The following ARMC9 variants were observed in gnomAD, a reference collection of about 807,000 sequenced individuals.
ARMC9 encodes the protein armadillo repeat containing 9, also known as lisH domain-containing protein ARMC9.
ARMC9 carries 94 observed loss-of-function variants against 107.0 expected under a neutral mutation model. The ratio of observed to expected loss-of-function variants is 0.88; its 90% CI spans 0.74 to 1.04. The LOEUF is 1.04. ARMC9 is among the 50% of genes least tolerant of loss of function. The pLI is 0.00. For missense variants in ARMC9, 942 were observed against 1,030.1 expected (o/e 0.91, Z 1.17); for synonymous variants, 380 against 396.9 (o/e 0.96, Z 0.51).
intron 7 of ARMC9, among the ~76,000 whole-genome samples, chr2:231,228,416 C>A (rs920620906): frequency 6.6e-6 from 1 of 152,160 alleles, no homozygotes; most frequent in African/African-American, 2.4e-5. Context: ...GAGTGGTGGT[C>A]GGTGCTGGCT....
At chr2:231,311,891 G>C (rs2042374035) in intron 19 of ARMC9, among the ~76,000 whole-genome samples, 1 of 151,814 alleles carries the variant, frequency 6.6e-6, no homozygotes, top group African/African-American at 2.4e-5. Flanking sequence ...TCCCAGCCTG[G>C]AGAATTTTCA....
intron 7 of ARMC9, among the ~76,000 whole-genome samples, chr2:231,229,220 T>G (rs1396092027): frequency 6.6e-6 from 1 of 152,118 alleles, no homozygotes; most frequent in Non-Finnish European, 1.5e-5. Flanking sequence ...ATGACAGTCA[T>G]TTGTCACCCC....
At chr2:231,240,646 C>T (rs2036209262) in intron 9 of ARMC9, among the ~76,000 whole-genome samples, 1 of 152,192 alleles carries the variant, frequency 6.6e-6, no homozygotes, top group African/African-American at 2.4e-5. Flanking sequence ...AATATTCTCT[C>T]ATATAACTAT....
At chr2:231,283,380 T>C (rs1352017409) in intron 17 of ARMC9, among the ~76,000 whole-genome samples, 2 of 152,186 alleles carry the variant, frequency 1.3e-5, no homozygotes, top group African/African-American at 4.8e-5. Context: ...CTGGTATTAG[T>C]TATCTATTAC....
intron 17 of ARMC9, among the ~76,000 whole-genome samples, chr2:231,283,472 C>T (rs867022027): frequency 7.9e-5 from 12 of 152,278 alleles, no homozygotes; most frequent in South Asian, 2.1e-4. Context: ...CTCTGTCACC[C>T]AGACTGGAGT....
intron 7 of ARMC9, among the ~76,000 whole-genome samples, chr2:231,227,830 C>T (rs1416517665): frequency 3.3e-5 from 5 of 152,218 alleles, no homozygotes; most frequent in African/African-American, 4.8e-5. Flanking sequence ...GCATCCCCAG[C>T]TCAGCTGTTC....
Position 231,376,514 on chromosome 2 carries a change from G to A in ARMC9, c.*4979G>A, listed in dbSNP as rs1465867505. Reference sequence around the variant, plus strand: ...ATAGCGCTCCCAGGCTTATTAGGAGGAGGAAATTCCCGCCTAATAAATTTT... The same window carrying A: ...ATAGCGCTCCCAGGCTTATTAGGAGAAGGAAATTCCCGCCTAATAAATTTT... On this transcript the variant is annotated 3_prime_UTR_variant, in exon 25 of 25. Transcript: ENST00000611582. Among the ~76,000 whole-genome samples, 2 of 152,120 alleles carry A rather than the reference G, an allele frequency of 1.3e-5. No individual in the cohort carries two copies. Among genetic ancestry groups the A allele is most frequent in the Non-Finnish European group, 2.9e-5 (2 of 68,030 alleles).
intron 18 of ARMC9, among the ~76,000 whole-genome samples, chr2:231,291,801 C>T (rs1453419673): frequency 1.1e-4 from 16 of 146,668 alleles, no homozygotes; most frequent in South Asian, 8.7e-4. Flanking sequence ...GGTGACAGAG[C>T]GAGACTCCAT....
At chr2:231,329,524 G>A (rs939330215) in intron 19 of ARMC9, among the ~76,000 whole-genome samples, 3 of 151,692 alleles carry the variant, frequency 2.0e-5, no homozygotes, top group African/African-American at 7.3e-5. Context: ...GGTCAGGCTG[G>A]TCTTGAACTA....
At position 231,371,622 on chromosome 2, in the gene ARMC9, G is replaced by A; in HGVS notation, c.*87G>A. Reference sequence around the variant, plus strand: ...GGCAGCAGCTGCCGGTGATGGATGTGAAGGGACAGTTGTCCACAAGACTCT... The same window carrying A: ...GGCAGCAGCTGCCGGTGATGGATGTAAAGGGACAGTTGTCCACAAGACTCT... On this transcript the variant is annotated 3_prime_UTR_variant, in exon 25 of 25. Transcript: ENST00000611582. 8.5e-7 allele frequency: 1 copy of A among 1,180,438 alleles called. No homozygotes were observed. The highest frequency in any genetic ancestry group is 1.1e-6 in the Non-Finnish European group (1 of 940,106). The allele number at this position is 1,180,438 out of a possible 1,614,324, so 73.1% of individuals were successfully genotyped here.
rs1246934397 is a variant in ARMC9, at chr2:231,222,840, A to G, written c.597+20A>G. 1 of 1,481,510 alleles carries G rather than the reference A, an allele frequency of 6.7e-7. No individual in the cohort carries two copies. Among genetic ancestry groups the G allele is most frequent in the East Asian group, 2.3e-5 (1 of 43,978 alleles). 91.8% of individuals were successfully genotyped at this position (1,481,510 alleles called of 1,614,324 possible). A position where few individuals can be genotyped will look rare whatever the true frequency, so the allele number is the denominator to read the frequency against. On this transcript the variant is annotated intron_variant, in intron 6 of 24. Transcript: ENST00000611582. The stretch of plus-strand genomic sequence containing the variant: ...ATATATGTATCCTTTTGAAGCAAAT[A>G]GAGACCACCTATGGTTTTAGAGCAG...
intron 7 of ARMC9, among the ~76,000 whole-genome samples, chr2:231,228,029 T>C (rs774575293): frequency 6.6e-6 from 1 of 151,982 alleles, no homozygotes; most frequent in African/African-American, 2.4e-5. Flanking sequence ...CCCAGTACAG[T>C]ATGTGGAGGA....
chr2:231,271,155 G>C, intron 13 of ARMC9, 83 bp downstream of exon 13: 1 of 1,332,498 alleles, frequency 7.5e-7, no homozygotes, highest in East Asian at 2.4e-5. Flanking sequence ...TTCCTCCCAA[G>C]TTTCTTAGAG....
chr2:231,271,804 C>T (rs2039347667), intron 13 of ARMC9, among the ~76,000 whole-genome samples: 1 of 152,136 alleles, frequency 6.6e-6, no homozygotes, highest in Non-Finnish European at 1.5e-5. Flanking sequence ...ATTCAGAAGT[C>T]CACAACAGGC....
chr2:231,330,662 T>A (rs1023688315), intron 19 of ARMC9, among the ~76,000 whole-genome samples: 13 of 152,320 alleles, frequency 8.5e-5, no homozygotes, highest in African/African-American at 3.1e-4. Context: ...CGGCCCAGCC[T>A]GGTGAGGGTA....
At chr2:231,212,817 G>A (rs78586377) in intron 3 of ARMC9, among the ~76,000 whole-genome samples, 2,250 of 152,316 alleles carry the variant, frequency 0.015, 20 homozygotes, top group Non-Finnish European at 0.023. Context: ...ACTGTCCCTC[G>A]CCTGTGTCCG....
chr2:231,215,259 A>G (rs773489864), intron 4 of ARMC9: 4 of 382,276 alleles, frequency 1.0e-5, no homozygotes, highest in Non-Finnish European at 1.4e-5. Flanking sequence ...CCTCATCAAA[A>G]TAAAGTTTAT....
At chr2:231,240,478 C>T (rs570937283) in intron 9 of ARMC9, among the ~76,000 whole-genome samples, 2 of 152,328 alleles carry the variant, frequency 1.3e-5, no homozygotes, top group Admixed American at 6.5e-5. Flanking sequence ...CAGAGTCACC[C>T]GCTGCTAGCA....
chr2:231,241,910 T>G (rs1331797802), intron 9 of ARMC9, among the ~76,000 whole-genome samples: 2 of 152,100 alleles, frequency 1.3e-5, no homozygotes, highest in African/African-American at 4.8e-5. Context: ...GTTACATGAT[T>G]CCCAGTGCTT....
Sources: allele counts gnomAD v4.1 joint callset (sites outside exome capture counted in the v4.1 genomes callset), GRCh38; gene constraint gnomAD v4.1.1; transcripts MANE v1.5; gene names NCBI Gene and HGNC (gene_info 2026-07-23, HGNC 2026-07-21).